Variants in RUSC2 observed in about 807,000 individuals in gnomAD.
The protein encoded by RUSC2 is RUN and SH3 domain containing 2.
In RUSC2, 34 loss-of-function variants were observed where a neutral mutation model predicts 122.2. That is an observed-to-expected ratio of 0.28 (90% CI 0.21 to 0.37). The LOEUF (loss-of-function observed/expected upper bound fraction) is 0.37, where lower values mean the gene tolerates loss of function less well. Ranked by LOEUF, RUSC2 falls within the 10% of genes least tolerant of loss-of-function variation. The pLI is 1.00. For missense variants in RUSC2, 1,747 were observed against 1,952.4 expected, an observed-to-expected ratio of 0.89 and a Z score of 1.98; for synonymous variants, 784 against 790.0, an observed-to-expected ratio of 0.99 and a Z score of 0.13.
Position 35,548,697 on chromosome 9 carries a change from G to C in RUSC2, c.2014+162G>C. 2.0e-6 allele frequency: 2 copies of C among 985,364 alleles called. No homozygotes were observed. Among genetic ancestry groups the C allele is most frequent in the Non-Finnish European group, 2.4e-6 (2 of 829,922 alleles). 61.0% of individuals were successfully genotyped at this position (985,364 alleles called of 1,614,324 possible). ...GGCCAGGGCAGGACCCACAGCTACA[G>C]TGGAATAGGCTCACTGGAGAAAGAC... is the stretch of plus-strand genomic sequence containing the variant. On this transcript the variant is annotated intron_variant, in intron 2 of 11. Coordinates refer to ENST00000361226, the MANE Select transcript of RUSC2 (RefSeq NM_014806.5). This position sits in a 1 kb window ranked among gnomAD's most constrained non-coding sequence, Gnocchi z 4.5.
intron 1 of RUSC2, among the ~76,000 whole-genome samples, chr9:35,493,972 C>A (rs1473492241): frequency 1.3e-5 from 2 of 151,996 alleles, no homozygotes; most frequent in South Asian, 2.1e-4. Flanking sequence ...GCTTTTAGTT[C>A]TTGTGGGTAT....
Position 35,560,167 on chromosome 9 carries a change from ACCGGCTGCTGCAAAGTGGG to A in RUSC2, c.3529_3547del (p.Arg1177SerfsTer47). The A allele has an allele frequency of 6.2e-7, 1 of 1,607,686 alleles. No individual in the cohort carries two copies. On this transcript the variant is annotated frameshift_variant, in exon 10 of 12. Transcript: ENST00000361226. LOFTEE classifies it high-confidence loss of function. ...TTCAGCCTCGACTTGCTGTTCCAGC[ACCGGCTGCTGCAAAGTGGG>A]CAGCAGCAGCGGCAGCACAAGGAAC...
intron 1 of RUSC2, among the ~76,000 whole-genome samples, chr9:35,525,659 C>A (rs566580914): frequency 6.6e-6 from 1 of 152,102 alleles, no homozygotes; most frequent in Non-Finnish European, 1.5e-5. Context: ...ATTAGCCTGG[C>A]GTGGAGGCAC....
At chr9:35,513,903 C>CATATATATATATTT (rs1821054988) in intron 1 of RUSC2, among the ~76,000 whole-genome samples, 1 of 104,236 alleles carries the variant, frequency 9.6e-6, no homozygotes, top group African/African-American at 3.7e-5. Context: ...CTTCAACAAA[C>CATATATATATATTT]ATATATATAT....
chr9:35,552,882 T>G (rs1821929034), intron 2 of RUSC2, among the ~76,000 whole-genome samples: 1 of 152,338 alleles, frequency 6.6e-6, no homozygotes, highest in Non-Finnish European at 1.5e-5. Flanking sequence ...GGCCCCCTTC[T>G]TACCTGATCT....
At chr9:35,511,571 C>T (rs958985037) in intron 1 of RUSC2, among the ~76,000 whole-genome samples, 2 of 152,152 alleles carry the variant, frequency 1.3e-5, no homozygotes, top group Non-Finnish European at 2.9e-5. Flanking sequence ...AAATTCTGCT[C>T]TGAAGAAATG....
At position 35,515,999 on chromosome 9, in the gene RUSC2, C is replaced by CAAAAAAAAAAAAAAAAAAAAA. The variant is rs544797957; in HGVS notation, c.-93+25831_-93+25851dup. On this transcript the variant is annotated intron_variant, in intron 1 of 11. Transcript: ENST00000361226. Reference sequence around the variant, plus strand: ...GAGCGACACAGCGAGATTCTTGTCTCAAAAAAAAAAAAAAAAAAAAAAAAG... The same window carrying CAAAAAAAAAAAAAAAAAAAAA: ...GAGCGACACAGCGAGATTCTTGTCTCAAAAAAAAAAAAAAAAAAAAAAAAAAAAAAAAAAAAAAAAAAAAAG... 8.5e-4 allele frequency among the ~76,000 whole-genome samples: 40 copies of CAAAAAAAAAAAAAAAAAAAAA among 47,194 alleles called. 1 individual carries two copies. The highest frequency in any genetic ancestry group is 1.3e-3 in the Non-Finnish European group (35 of 27,382). 31.0% of individuals were successfully genotyped at this position (47,194 alleles called of 152,430 possible).
intron 1 of RUSC2, among the ~76,000 whole-genome samples, chr9:35,518,274 T>A (rs1821147212): frequency 6.6e-6 from 1 of 152,186 alleles, no homozygotes; most frequent in African/African-American, 2.4e-5. Context: ...TGACCTAGGA[T>A]TGCAGGAAGA....
chr9:35,559,355 TG>T, intron 9 of RUSC2, 83 bp downstream of exon 9: 1 of 1,210,462 alleles, frequency 8.3e-7, no homozygotes, highest in Middle Eastern at 1.9e-4. Flanking sequence ...GTCTTTTCAT[TG>T]CTGGAGGTGG....
chr9:35,512,294 TTTTA>T (rs1346064701), intron 1 of RUSC2, among the ~76,000 whole-genome samples: 2 of 152,230 alleles, frequency 1.3e-5, no homozygotes, highest in Non-Finnish European at 2.9e-5. Context: ...AATTTTTTGT[TTTTA>T]TTTTCATAAT....
intron 1 of RUSC2, among the ~76,000 whole-genome samples, chr9:35,492,408 T>G (rs1278687879): frequency 6.6e-6 from 1 of 152,116 alleles, no homozygotes; most frequent in African/African-American, 2.4e-5. Context: ...TCACTTCATG[T>G]TAGGGTAAGG....
intron 1 of RUSC2, among the ~76,000 whole-genome samples, chr9:35,542,847 C>A (rs1821668662): frequency 6.6e-6 from 1 of 152,198 alleles, no homozygotes; most frequent in Non-Finnish European, 1.5e-5. Context: ...TGTATCTGTA[C>A]ATCAGTTTTT....
At position 35,547,393 on chromosome 9, in the gene RUSC2, T is replaced by G. The variant is rs1432253903; in HGVS notation, c.872T>G (p.Met291Arg). The stretch of plus-strand genomic sequence containing the variant: ...ACCTTCAGCACCCTCTACAACAAGA[T>G]GCATGGCACCCCCCGTGCCAATCTC... The part of the protein sequence containing the change: ...LVTFSTLYNK[M>R]HGTPRANLNS... Residue 291 changes from methionine to arginine, a missense_variant, in exon 2 of 12, where the codon ATG becomes AGG. Transcript: ENST00000361226. The surrounding 1 kb of genome is among the most constrained non-coding windows in gnomAD (Gnocchi z 4.6). 6.2e-7 allele frequency: 1 copy of G among 1,614,152 alleles called. No homozygotes were observed. Among genetic ancestry groups the G allele is most frequent in the Admixed American group, 1.7e-5 (1 of 60,018 alleles).
intron 1 of RUSC2, among the ~76,000 whole-genome samples, chr9:35,496,052 CAG>C (rs140984894): frequency 6.6e-6 from 1 of 152,246 alleles, no homozygotes; most frequent in African/African-American, 2.4e-5. Flanking sequence ...AAAGAAGCAT[CAG>C]AGAGTGATGA....
At chr9:35,524,165 A>G (rs1032572075) in intron 1 of RUSC2, among the ~76,000 whole-genome samples, 1 of 152,004 alleles carries the variant, frequency 6.6e-6, no homozygotes, top group African/African-American at 2.4e-5. Context: ...TCTGCTAAAA[A>G]TACAAAAAAT....
At chr9:35,549,166 G>C in intron 2 of RUSC2, 10 of 985,404 alleles carry the variant, frequency 1.0e-5, no homozygotes, top group Non-Finnish European at 1.2e-5. Flanking sequence ...ATGGATAGGG[G>C]CTGTAATCAC....
chr9:35,498,957 AAAC>A (rs371128317), intron 1 of RUSC2, among the ~76,000 whole-genome samples: 2 of 152,158 alleles, frequency 1.3e-5, no homozygotes, highest in African/African-American at 4.8e-5. Flanking sequence ...TAGACACTGA[AAAC>A]AACATTATTT....
chr9:35,505,065 A>G (rs1820887877), intron 1 of RUSC2, among the ~76,000 whole-genome samples: 1 of 151,398 alleles, frequency 6.6e-6, no homozygotes, highest in Non-Finnish European at 1.5e-5. Flanking sequence ...ATGTGTTTTC[A>G]CCACAATTTT....
intron 2 of RUSC2, among the ~76,000 whole-genome samples, chr9:35,551,220 G>T (rs1414018418): frequency 1.3e-5 from 2 of 152,194 alleles, no homozygotes; most frequent in Non-Finnish European, 2.9e-5. Context: ...GAGAGTGGAA[G>T]CCAGATCTCA....
Sources: allele counts gnomAD v4.1 joint callset (sites outside exome capture counted in the v4.1 genomes callset), GRCh38; gene constraint gnomAD v4.1.1; non-coding constraint Gnocchi (gnomAD v3.1); transcripts MANE v1.5; gene names NCBI Gene and HGNC (gene_info 2026-07-23, HGNC 2026-07-21).